LRRC4C: variants seen among roughly 807,000 people sequenced by gnomAD.
LRRC4C encodes leucine rich repeat containing 4C.
In LRRC4C, 5 loss-of-function variants were observed where a neutral mutation model predicts 33.6. The observed-to-expected ratio is 0.15, with a 90% CI of 0.08 to 0.31. LRRC4C has a LOEUF of 0.31. LRRC4C is among the 10% of genes least tolerant of loss of function. The pLI, the probability that LRRC4C is intolerant of heterozygous loss-of-function variation, is 1.00. For missense variants in LRRC4C, 560 were observed against 796.7 expected, an observed-to-expected ratio of 0.70 and a Z score of 3.58; for synonymous variants, 329 against 302.0, an observed-to-expected ratio of 1.09 and a Z score of -0.93.
chr11:40,898,052 T>C (rs545715465), intron 2 of LRRC4C, among the ~76,000 whole-genome samples: 5 of 152,142 alleles, frequency 3.3e-5, no homozygotes, highest in Non-Finnish European at 7.3e-5. Flanking sequence ...AAAAGTGCTG[T>C]TTCTATGAAA....
chr11:40,791,590 T>C (rs1281875475), intron 2 of LRRC4C, among the ~76,000 whole-genome samples: 1 of 152,226 alleles, frequency 6.6e-6, no homozygotes, highest in Non-Finnish European at 1.5e-5. Context: ...GGTTAGGTTC[T>C]GGTTGAAAGA....
intron 1 of LRRC4C, among the ~76,000 whole-genome samples, chr11:41,312,831 G>A (rs943439835): frequency 2.0e-5 from 3 of 152,144 alleles, no homozygotes; most frequent in African/African-American, 7.2e-5. Flanking sequence ...AGCAATTTAG[G>A]TCTGACATGT....
intron 3 of LRRC4C, among the ~76,000 whole-genome samples, chr11:40,448,446 T>C (rs897894298): frequency 6.6e-6 from 1 of 151,550 alleles, no homozygotes; most frequent in Admixed American, 6.6e-5. Flanking sequence ...TTCCCCTCCC[T>C]GTGTCCATGT....
chr11:41,154,252 C>A (rs978834046), intron 1 of LRRC4C, among the ~76,000 whole-genome samples: 3 of 152,112 alleles, frequency 2.0e-5, no homozygotes, highest in Admixed American at 6.6e-5. Context: ...ACTCACTGTT[C>A]TATATGCTGA....
At chr11:41,393,315 C>CA (rs1212961534) in intron 1 of LRRC4C, among the ~76,000 whole-genome samples, 2 of 151,780 alleles carry the variant, frequency 1.3e-5, no homozygotes, top group African/African-American at 4.8e-5. Flanking sequence ...TCTGTGACAC[C>CA]AAAAAGGCCT....
intron 2 of LRRC4C, among the ~76,000 whole-genome samples, chr11:40,860,091 A>AAAATAAAT (rs58718030): frequency 0.66 from 94,884 of 143,948 alleles, 34,433 homozygotes; most frequent in Non-Finnish European, 0.8. Flanking sequence ...GTCCCCCCAA[A>AAAATAAAT]AAATAAATAA....
intron 1 of LRRC4C, among the ~76,000 whole-genome samples, chr11:41,069,006 G>T (rs1431687753): frequency 1.3e-5 from 2 of 152,118 alleles, no homozygotes; most frequent in African/African-American, 4.8e-5. Flanking sequence ...TAATATCAAT[G>T]CAAAAATCCT....
chr11:41,010,372 G>A (rs182040504), intron 1 of LRRC4C, among the ~76,000 whole-genome samples: 5 of 151,968 alleles, frequency 3.3e-5, no homozygotes, highest in East Asian at 1.9e-4. Flanking sequence ...CATAATTCGC[G>A]TTTTCTGTTT....
chr11:40,186,691 G>C (rs1251882989), intron 5 of LRRC4C, among the ~76,000 whole-genome samples: 1 of 152,292 alleles, frequency 6.6e-6, no homozygotes, highest in East Asian at 1.9e-4. Context: ...GTCGGGCTCA[G>C]CATAAGTTTA....
intron 1 of LRRC4C, among the ~76,000 whole-genome samples, chr11:41,391,185 T>C (rs1009638305): frequency 2.0e-5 from 3 of 151,864 alleles, no homozygotes; most frequent in African/African-American, 7.2e-5. Context: ...GTAACATTTC[T>C]CTCTGCCCTG....
chr11:41,022,219 G>T (rs1347714707), intron 1 of LRRC4C, among the ~76,000 whole-genome samples: 2 of 149,872 alleles, frequency 1.3e-5, no homozygotes, highest in East Asian at 3.9e-4. Flanking sequence ...ACATATAAGT[G>T]TATATATATG....
chr11:40,853,899 G>A (rs1450427455), intron 2 of LRRC4C, among the ~76,000 whole-genome samples: 1 of 152,152 alleles, frequency 6.6e-6, no homozygotes, highest in East Asian at 1.9e-4. Context: ...GGATGTGAAG[G>A]ACACATTTCA....
chr11:40,435,279 A>G (rs28483079), intron 3 of LRRC4C, among the ~76,000 whole-genome samples: 2,207 of 152,306 alleles, frequency 0.014, 44 homozygotes, highest in African/African-American at 0.05. Context: ...CGAGGCAGAC[A>G]TTACCCTGTG....
At chr11:41,374,693 T>C (rs1331773938) in intron 1 of LRRC4C, among the ~76,000 whole-genome samples, 2 of 152,182 alleles carry the variant, frequency 1.3e-5, no homozygotes, top group African/African-American at 2.4e-5. Flanking sequence ...GATTTACATA[T>C]AGACAGGGTA....
At position 41,198,657 on chromosome 11, in the gene LRRC4C, C is replaced by T. The variant is rs562352844; in HGVS notation, c.-496+260774G>A. On this transcript the variant is annotated intron_variant, in intron 1 of 6. Coordinates refer to ENST00000528697, the MANE Select transcript of LRRC4C (RefSeq NM_001258419.2). ...AAGTATGGAGGGAAATAGAAAAACA[C>T]ACACTCAATTTTGGTCTGTGGGAAA... Among the ~76,000 whole-genome samples, 6 of 151,858 alleles carry T rather than the reference C, an allele frequency of 4.0e-5. No individual in the cohort carries two copies. In the South Asian group the frequency reaches 1.2e-3, roughly 32 times the overall value.
intron 1 of LRRC4C, among the ~76,000 whole-genome samples, chr11:41,287,933 A>G (rs745357940): frequency 6.6e-6 from 1 of 152,160 alleles, no homozygotes; most frequent in African/African-American, 2.4e-5. Flanking sequence ...GCTTCAGGCT[A>G]TGATTTATAC....
At chr11:40,599,906 C>T (rs967895831) in intron 3 of LRRC4C, among the ~76,000 whole-genome samples, 1 of 152,106 alleles carries the variant, frequency 6.6e-6, no homozygotes, top group Non-Finnish European at 1.5e-5. Context: ...CTGGGCACAA[C>T]GGCAACAATG....
chr11:40,995,983 G>C (rs936242908), intron 1 of LRRC4C, among the ~76,000 whole-genome samples: 2 of 152,026 alleles, frequency 1.3e-5, no homozygotes, highest in Non-Finnish European at 2.9e-5. Flanking sequence ...TTTTGATACA[G>C]GATAGAAAGT....
intron 3 of LRRC4C, among the ~76,000 whole-genome samples, chr11:40,385,010 C>T (rs1393641905): frequency 6.6e-6 from 1 of 151,838 alleles, no homozygotes; most frequent in Non-Finnish European, 1.5e-5. Flanking sequence ...AAGTATATTT[C>T]CAAAAATTGG....
Sources: gnomAD v4.1 joint callset for allele counts (sites outside exome capture counted in the v4.1 genomes callset) on GRCh38, gnomAD v4.1.1 for gene constraint, MANE v1.5 for transcripts, NCBI Gene and HGNC (gene_info 2026-07-23, HGNC 2026-07-21) for gene names.